TRAF3IP1: variants seen among roughly 807,000 people sequenced by gnomAD.
TRAF3IP1 encodes intraflagellar transport 54.
A neutral mutation model predicts 89.9 loss-of-function variants in TRAF3IP1; 53 were observed. That is an observed-to-expected ratio of 0.59 (90% CI 0.47 to 0.74). The LOEUF (loss-of-function observed/expected upper bound fraction) is 0.74. TRAF3IP1 is among the 30% of genes least tolerant of loss of function. The pLI is 0.00. For missense variants in TRAF3IP1, 806 were observed against 866.1 expected (o/e 0.93, Z 0.87); for synonymous variants, 311 against 322.1 (o/e 0.97, Z 0.37).
chr2:238,362,266 A>G (rs1209892929), intron 15 of TRAF3IP1, among the ~76,000 whole-genome samples: 1 of 151,416 alleles, frequency 6.6e-6, no homozygotes, highest in Non-Finnish European at 1.5e-5. Context: ...TTTTTTTACT[A>G]AGTCAGCTTC....
At chr2:238,342,825 ATG>A (rs1193468549) in intron 8 of TRAF3IP1, among the ~76,000 whole-genome samples, 7 of 152,208 alleles carry the variant, frequency 4.6e-5, no homozygotes, top group Admixed American at 1.3e-4. Context: ...TTGCAAAATT[ATG>A]TGTCATCTAT....
intron 15 of TRAF3IP1, among the ~76,000 whole-genome samples, chr2:238,361,571 T>C (rs918360193): frequency 6.6e-6 from 1 of 152,122 alleles, no homozygotes; most frequent in South Asian, 2.1e-4. Flanking sequence ...CAAGGCTTCC[T>C]TACCCCGCCT....
intron 15 of TRAF3IP1, among the ~76,000 whole-genome samples, chr2:238,393,109 A>C (rs1470608572): frequency 6.6e-6 from 1 of 152,202 alleles, no homozygotes; most frequent in Non-Finnish European, 1.5e-5. Context: ...GTTTAGTTTT[A>C]TAGGAAACTG....
At chr2:238,375,480 C>T (rs1700277921) in intron 15 of TRAF3IP1, among the ~76,000 whole-genome samples, 1 of 152,142 alleles carries the variant, frequency 6.6e-6, no homozygotes, top group African/African-American at 2.4e-5. Flanking sequence ...TTTGATTGCA[C>T]TATGGTCTGA....
intron 15 of TRAF3IP1, among the ~76,000 whole-genome samples, chr2:238,360,065 G>C (rs1456667395): frequency 6.6e-6 from 1 of 152,156 alleles, no homozygotes; most frequent in Non-Finnish European, 1.5e-5. Context: ...CAGGTGGATG[G>C]TGTGTACAGT....
intron 15 of TRAF3IP1, among the ~76,000 whole-genome samples, chr2:238,391,362 G>A (rs1354715792): frequency 6.6e-6 from 1 of 152,166 alleles, no homozygotes; most frequent in Non-Finnish European, 1.5e-5. Flanking sequence ...TAAAAACAAG[G>A]TTGTTTTTAT....
At chr2:238,325,235 AGTTG>A (rs1474810298) in intron 1 of TRAF3IP1, 67 bp from the exon 2 acceptor site, 7 of 1,405,372 alleles carry the variant, frequency 5.0e-6, no homozygotes, top group Middle Eastern at 1.8e-4. Flanking sequence ...CCAAGTGTGG[AGTTG>A]AGTGGATGAG....
chr2:238,377,460 C>A (rs1052057503), intron 15 of TRAF3IP1, among the ~76,000 whole-genome samples: 1 of 151,850 alleles, frequency 6.6e-6, no homozygotes, highest in Admixed American at 6.6e-5. Context: ...TTACTAAATG[C>A]TTTTTCTGGG....
intron 15 of TRAF3IP1, among the ~76,000 whole-genome samples, chr2:238,381,725 G>C (rs2106365081): frequency 6.6e-6 from 1 of 152,372 alleles, no homozygotes; most frequent in South Asian, 2.1e-4. Flanking sequence ...AGTGAGCAGA[G>C]AGAGGGTTCA....
chr2:238,329,344 TAA>T lies in TRAF3IP1; in HGVS notation c.915+4_915+5del, dbSNP rs773516161. ...GAGCATGACAAACCTGAGAAAAAGG[TAA>T]AGTCTTGCTGAGAACCTCGCCTTTT... On this transcript the variant is annotated splice_donor_region_variant and intron_variant, in intron 5 of 16. Coordinates refer to ENST00000373327, the MANE Select transcript of TRAF3IP1 (RefSeq NM_015650.4). 2 of 1,355,726 alleles carry T rather than the reference TAA, an allele frequency of 1.5e-6. No individual in the cohort carries two copies. The highest frequency in any genetic ancestry group is 1.9e-6 in the Non-Finnish European group (2 of 1,045,888). 84.0% of individuals were successfully genotyped at this position (1,355,726 alleles called of 1,614,324 possible).
intron 6 of TRAF3IP1, 128 bp from the exon 7 acceptor site, chr2:238,333,832 A>T: frequency 1.3e-6 from 1 of 750,474 alleles, no homozygotes; most frequent in Non-Finnish European, 2.2e-6. Context: ...TTGAGTTTTT[A>T]AAGCATATGG....
At chr2:238,385,611 C>T (rs1348790212) in intron 15 of TRAF3IP1, among the ~76,000 whole-genome samples, 1 of 152,206 alleles carries the variant, frequency 6.6e-6, no homozygotes. Flanking sequence ...TTTAGATATT[C>T]TACAACAGTG....
chr2:238,373,116 T>C (rs1486459136), intron 15 of TRAF3IP1, among the ~76,000 whole-genome samples: 1 of 152,258 alleles, frequency 6.6e-6, no homozygotes, highest in Non-Finnish European at 1.5e-5. Context: ...TCTTTTGCCA[T>C]GCAGAAACTC....
At chr2:238,338,284 C>T in intron 7 of TRAF3IP1, 78 bp from the exon 8 acceptor site, 2 of 876,408 alleles carry the variant, frequency 2.3e-6, no homozygotes, top group Non-Finnish European at 3.5e-6. Context: ...TAATGTAACC[C>T]TTATAAATCC....
intron 15 of TRAF3IP1, among the ~76,000 whole-genome samples, chr2:238,367,557 T>C (rs1227257757): frequency 6.6e-6 from 1 of 152,154 alleles, no homozygotes; most frequent in Non-Finnish European, 1.5e-5. Context: ...CATGTGGTGG[T>C]GGCTGTGACA....
At chr2:238,390,322 G>A (rs897321861) in intron 15 of TRAF3IP1, among the ~76,000 whole-genome samples, 6 of 152,128 alleles carry the variant, frequency 3.9e-5, no homozygotes, top group East Asian at 1.9e-4. Flanking sequence ...ACCTTTCAGC[G>A]GAGAAAAGAG....
intron 15 of TRAF3IP1, among the ~76,000 whole-genome samples, chr2:238,368,017 A>T (rs1246318689): frequency 3.0e-5 from 3 of 101,216 alleles, no homozygotes; most frequent in African/African-American, 8.5e-5. Context: ...AAAAAGTGTT[A>T]GTTAGTATTT....
At chr2:238,357,247 G>T (rs888574505) in intron 15 of TRAF3IP1, among the ~76,000 whole-genome samples, 1 of 152,140 alleles carries the variant, frequency 6.6e-6, no homozygotes, top group Non-Finnish European at 1.5e-5. Flanking sequence ...GGGCCAACAG[G>T]GTGTGTCTCA....
chr2:238,369,257 C>T (rs1417041431), intron 15 of TRAF3IP1, among the ~76,000 whole-genome samples: 2 of 152,086 alleles, frequency 1.3e-5, no homozygotes, highest in African/African-American at 2.4e-5. Context: ...AATTAGCTTT[C>T]TAAGAAAAGC....
Sources: gnomAD v4.1 joint callset for allele counts (sites outside exome capture counted in the v4.1 genomes callset) on GRCh38, gnomAD v4.1.1 for gene constraint, MANE v1.5 for transcripts, NCBI Gene and HGNC (gene_info 2026-07-23, HGNC 2026-07-21) for gene names.